TTLL7: variants seen among roughly 807,000 people sequenced by gnomAD.
TTLL7 encodes tubulin polyglutamylase TTLL7.
A neutral mutation model predicts 120.2 loss-of-function variants in TTLL7; 53 were observed. That is an observed-to-expected ratio of 0.44 (90% confidence interval 0.35 to 0.55). The LOEUF is 0.55. Among genes scored for constraint, TTLL7 ranks in the 20% least tolerant of loss-of-function variants. The pLI is 0.00. For synonymous variants in TTLL7, 353 were observed against 351.7 expected (o/e 1.00, Z -0.04); for missense variants, 803 against 1,054.7 (o/e 0.76, Z 3.31).
chr1:83,998,321 T>C (rs1653670520), intron 1 of TTLL7, among the ~76,000 whole-genome samples: 1 of 152,230 alleles, frequency 6.6e-6, no homozygotes, highest in African/African-American at 2.4e-5. Flanking sequence ...CTTTTCTTTC[T>C]ATGCCAGGAT....
rs1440175226 is a variant in TTLL7 at position 83,865,673 on chromosome 1, T to TAA, written c.*4288_*4289insTT. ...CAGACAATAAACGCTTTTTTAGGCATAGAGGCTTCAACCTGGTTCTTAAAA... is the reference window on the plus strand; with the variant it reads ...CAGACAATAAACGCTTTTTTAGGCATAAAGAGGCTTCAACCTGGTTCTTAAAA... On this transcript the variant is annotated 3_prime_UTR_variant, in exon 21 of 21. Transcript: ENST00000260505. 3 of 151,986 alleles carry TAA rather than the reference T, an allele frequency of 2.0e-5. No individual in the cohort carries two copies. Among genetic ancestry groups the TAA allele is most frequent in the Non-Finnish European group, 4.4e-5 (3 of 67,868 alleles). 9.4% of individuals were successfully genotyped at this position (151,986 alleles called of 1,614,324 possible). A position where few individuals can be genotyped will look rare whatever the true frequency, so the allele number is the denominator to read the frequency against.
chr1:83,888,784 A>C (rs983606151), intron 19 of TTLL7, among the ~76,000 whole-genome samples: 2 of 152,002 alleles, frequency 1.3e-5, no homozygotes, highest in South Asian at 2.1e-4. Context: ...AGAAAACAGC[A>C]TATTAGATAG....
rs367589777 is a variant in TTLL7, at chr1:83,931,212, A to C, written c.1048-1982T>G. On this transcript the variant is annotated intron_variant, in intron 9 of 20. Transcript: ENST00000260505. The stretch of plus-strand genomic sequence containing the variant: ...AGTCTCAAAATTCAACAGCTTGTAA[A>C]TGCATTAAGAAATGAAAATTATTAT... 4.2e-4 allele frequency among the ~76,000 whole-genome samples: 64 copies of C among 152,184 alleles called. 1 individual carries two copies. The South Asian group carries it at 0.013, about 30-fold the overall frequency.
intron 18 of TTLL7, among the ~76,000 whole-genome samples, chr1:83,902,635 C>T (rs1165477684): frequency 1.3e-5 from 2 of 151,920 alleles, no homozygotes; most frequent in Non-Finnish European, 2.9e-5. Flanking sequence ...GATAGATTCT[C>T]CCCATCTCTC....
At chr1:83,975,808 G>A (rs1028668751) in intron 1 of TTLL7, among the ~76,000 whole-genome samples, 2 of 152,044 alleles carry the variant, frequency 1.3e-5, no homozygotes, top group East Asian at 1.9e-4. Flanking sequence ...TAGTAAAAAC[G>A]TAGTATTCTA....
Position 83,913,277 on chromosome 1 carries a change from T to C in TTLL7, c.1588-1914A>G, listed in dbSNP as rs1272714125. ...TATGAAGTAGGCTATATATAAAAAA[T>C]GTATAAATATATGAAGAATAAACAC... On this transcript the variant is annotated intron_variant, in intron 14 of 20. Transcript: ENST00000260505. Among the ~76,000 whole-genome samples the C allele has an allele frequency of 3.9e-5, 6 of 152,194 alleles. No homozygotes were observed. The East Asian group carries it at 1.2e-3, about 29-fold the overall frequency.
intron 19 of TTLL7, among the ~76,000 whole-genome samples, chr1:83,885,634 T>C (rs957146044): frequency 1.3e-5 from 2 of 152,060 alleles, no homozygotes; most frequent in Non-Finnish European, 2.9e-5. Context: ...GGTGTCAGCA[T>C]ACCAAAATAC....
chr1:83,876,015 C>T (rs956935056), intron 20 of TTLL7, among the ~76,000 whole-genome samples: 3 of 151,660 alleles, frequency 2.0e-5, no homozygotes, highest in Admixed American at 6.6e-5. Flanking sequence ...AAAATATTCC[C>T]CTGTATTATC....
At chr1:83,892,911 G>GA (rs779305877) in intron 18 of TTLL7, among the ~76,000 whole-genome samples, 3 of 40,934 alleles carry the variant, frequency 7.3e-5, no homozygotes, top group South Asian at 6.7e-4. Context: ...GAAGGAAAAA[G>GA]AAAAAAGAAA....
intron 3 of TTLL7, 96 bp downstream of exon 3, chr1:83,951,749 A>G: frequency 7.4e-7 from 1 of 1,359,966 alleles, no homozygotes; most frequent in Non-Finnish European, 9.9e-7. Context: ...TATATAAAAG[A>G]TAAGTTATCT....
At chr1:83,997,725 A>AC (rs1381344948) in intron 1 of TTLL7, among the ~76,000 whole-genome samples, 6 of 152,206 alleles carry the variant, frequency 3.9e-5, no homozygotes, top group African/African-American at 1.4e-4. Flanking sequence ...CACCTCATGA[A>AC]CTAAGTAACT....
chr1:83,887,184 T>C, intron 19 of TTLL7: 2 of 1,107,212 alleles, frequency 1.8e-6, no homozygotes, highest in South Asian at 1.9e-5. Context: ...TACTTTGTTT[T>C]ATTATTGGGA....
At chr1:83,969,481 A>G (rs946962063) in intron 1 of TTLL7, among the ~76,000 whole-genome samples, 2 of 151,990 alleles carry the variant, frequency 1.3e-5, no homozygotes, top group African/African-American at 4.8e-5. Context: ...GTCAAACTCA[A>G]AGCAATTTAT....
Position 83,907,604 on chromosome 1 carries a change from C to T in TTLL7, c.1844G>A (p.Ser615Asn), listed in dbSNP as rs2100763939. 8.1e-6 allele frequency: 13 copies of T among 1,613,194 alleles called. No homozygotes were observed. Among genetic ancestry groups the T allele is most frequent in the Non-Finnish European group, 1.1e-5 (13 of 1,179,540 alleles). ...PRSISAQSPS[S>N]GDTRPFSAQQ... ...AGCAGAAAATGGGCGGGTGTCCCCA[C>T]TGGAAGGTGATTGAGCAGAGATGGA... The change falls in exon 16 of 21, where the codon AGT becomes AAT. Residue 615 changes from serine to asparagine, a missense_variant. Transcript: ENST00000260505.
At chr1:83,907,716 C>T in intron 15 of TTLL7, 55 bp from the exon 16 acceptor site, 1 of 1,510,374 alleles carries the variant, frequency 6.6e-7, no homozygotes, top group Non-Finnish European at 9.1e-7. Flanking sequence ...ACAAGTTTTT[C>T]ACTGTATGAA....
intron 1 of TTLL7, among the ~76,000 whole-genome samples, chr1:83,978,834 T>C (rs1651719331): frequency 6.6e-6 from 1 of 152,208 alleles, no homozygotes. Flanking sequence ...ATTATCAAAT[T>C]AGTTGCTTAC....
At chr1:83,894,959 C>G (rs1176532650) in intron 18 of TTLL7, among the ~76,000 whole-genome samples, 2 of 152,034 alleles carry the variant, frequency 1.3e-5, no homozygotes, top group Non-Finnish European at 2.9e-5. Context: ...GAACAGGAAC[C>G]CAAATCCTTC....
At chr1:83,889,038 T>TA (rs1655212525) in intron 19 of TTLL7, among the ~76,000 whole-genome samples, 1 of 152,032 alleles carries the variant, frequency 6.6e-6, no homozygotes, top group Non-Finnish European at 1.5e-5. Context: ...CTCGCACTGC[T>TA]AAAAAAGACA....
chr1:83,882,909 T>C, intron 20 of TTLL7, 54 bp downstream of exon 20: 3 of 1,571,292 alleles, frequency 1.9e-6, no homozygotes, highest in Non-Finnish European at 2.6e-6. Flanking sequence ...TCAAACTGTG[T>C]TTTAGCATTA....
Sources: gnomAD v4.1 joint callset for allele counts (sites outside exome capture counted in the v4.1 genomes callset) on GRCh38, gnomAD v4.1.1 for gene constraint, MANE v1.5 for transcripts, NCBI Gene and HGNC (gene_info 2026-07-23, HGNC 2026-07-21) for gene names.